The following STK3 variants were observed in gnomAD, a reference collection of about 807,000 sequenced individuals.
STK3 encodes the protein serine/threonine kinase 3.
STK3 carries 41 observed loss-of-function variants against 58.0 expected under a neutral mutation model. The ratio of observed to expected loss-of-function variants is 0.71; its 90% CI spans 0.55 to 0.92. STK3 has a LOEUF of 0.92. Among genes scored for constraint, STK3 ranks in the 40% least tolerant of loss-of-function variants. The pLI, the probability that STK3 is intolerant of heterozygous loss-of-function variation, is 0.00. For missense variants in STK3, 479 were observed against 602.7 expected (o/e 0.79, Z 2.15); for synonymous variants, 170 against 191.0 (o/e 0.89, Z 0.91).
chr8:98,449,929 AGTAT>A (rs1819125466), downstream of STK3, among the ~76,000 whole-genome samples: 1 of 152,186 alleles, frequency 6.6e-6, no homozygotes, highest in Non-Finnish European at 1.5e-5. Flanking sequence ...ACTGTGACAC[AGTAT>A]GAGGCTCTCA....
intron 1 of STK3, among the ~76,000 whole-genome samples, chr8:98,923,637 C>A (rs1839656981): frequency 6.6e-6 from 1 of 152,096 alleles, no homozygotes; most frequent in Non-Finnish European, 1.5e-5. Flanking sequence ...TAGAACAACC[C>A]AGAAGCCCAC....
intron 1 of STK3, among the ~76,000 whole-genome samples, chr8:98,934,480 G>C (rs1337825613): frequency 6.6e-6 from 1 of 152,144 alleles, no homozygotes; most frequent in Non-Finnish European, 1.5e-5. Flanking sequence ...AACAAAAAGG[G>C]GCAAGTAGTG....
chr8:98,578,585 G>A (rs1308316784), intron 8 of STK3, among the ~76,000 whole-genome samples: 1 of 152,098 alleles, frequency 6.6e-6, no homozygotes. Flanking sequence ...TTCCCAACTG[G>A]ATAACCAGTC....
At chr8:98,686,324 T>C (rs1350300459) in intron 6 of STK3, among the ~76,000 whole-genome samples, 1 of 152,206 alleles carries the variant, frequency 6.6e-6, no homozygotes, top group East Asian at 1.9e-4. Flanking sequence ...GAAGAGATAC[T>C]GTCCAACTGG....
intron 1 of STK3, among the ~76,000 whole-genome samples, chr8:98,810,904 C>A (rs1834179526): frequency 6.6e-6 from 1 of 152,072 alleles, no homozygotes; most frequent in Non-Finnish European, 1.5e-5. Flanking sequence ...CTGGCACCTC[C>A]TCTTCTCTCT....
At chr8:98,412,667 G>A (rs1355755999) in intron 3 of STK3, among the ~76,000 whole-genome samples, 1 of 152,180 alleles carries the variant, frequency 6.6e-6, no homozygotes, top group Non-Finnish European at 1.5e-5. Flanking sequence ...ATCAGGATTG[G>A]ATGTGCTAAT....
upstream of STK3, among the ~76,000 whole-genome samples, chr8:98,388,768 A>G (rs1403781748): frequency 6.6e-6 from 1 of 152,248 alleles, no homozygotes; most frequent in Non-Finnish European, 1.5e-5. Context: ...AAAAGACTAG[A>G]TAATTTGCTG....
the STK3 span, among the ~76,000 whole-genome samples, chr8:98,362,851 G>A: frequency 6.6e-6 from 1 of 152,140 alleles, no homozygotes; most frequent in African/African-American, 2.4e-5. Flanking sequence ...TCCCACAGCT[G>A]GGCACCTCAG....
chr8:98,740,095 G>A lies in STK3; in HGVS notation c.351+9181C>T, dbSNP rs183410264. On this transcript the variant is annotated intron_variant, in intron 4 of 10. Transcript: ENST00000419617. Reference sequence around the variant, plus strand: ...GCCTCCAAGAAATATGGGACTATGTGAAAAGACCAGATCTTCGTCTCACTG... The same window carrying A: ...GCCTCCAAGAAATATGGGACTATGTAAAAAGACCAGATCTTCGTCTCACTG... 8.6e-3 allele frequency among the ~76,000 whole-genome samples: 1,306 copies of A among 152,328 alleles called. 10 individuals carry two copies. Among genetic ancestry groups the A allele is most frequent in the African/African-American group, 0.03 (1,230 of 41,564 alleles).
chr8:98,456,095 A>C (rs1318893975), intron 10 of STK3, 95 bp from the exon 11 acceptor site: 1 of 1,228,792 alleles, frequency 8.1e-7, no homozygotes, highest in Non-Finnish European at 1.1e-6. Flanking sequence ...AATGAGTTTT[A>C]ACATAAATAT....
At chr8:98,351,152 T>C in the STK3 span, among the ~76,000 whole-genome samples, 3 of 152,256 alleles carry the variant, frequency 2.0e-5, no homozygotes, top group Admixed American at 6.5e-5. Flanking sequence ...TATCAACAAC[T>C]TAGGGAAACT....
intron 1 of STK3, among the ~76,000 whole-genome samples, chr8:98,817,453 C>CAAAAA (rs61671053): frequency 2.3e-5 from 3 of 128,942 alleles, no homozygotes; most frequent in Admixed American, 8.0e-5. Context: ...GACTCCATCT[C>CAAAAA]AAAAAAAAAA....
Position 98,715,035 on chromosome 8 carries a change from G to C in STK3, c.352-7724C>G, listed in dbSNP as rs367557937. On this transcript the variant is annotated intron_variant, in intron 4 of 10. Transcript: ENST00000419617. ...TGACAAAAACAACAAATGGGGAAAGGATTCCCTATTTAATAAATGGTGCTG... is the reference window on the plus strand; with the variant it reads ...TGACAAAAACAACAAATGGGGAAAGCATTCCCTATTTAATAAATGGTGCTG... Among the ~76,000 whole-genome samples the C allele has an allele frequency of 2.6e-5, 4 of 152,260 alleles. No individual in the cohort carries two copies. The East Asian group carries it at 5.8e-4, about 22-fold the overall frequency.
intron 3 of STK3, among the ~76,000 whole-genome samples, chr8:98,851,747 G>A (rs1836477089): frequency 6.6e-6 from 1 of 152,314 alleles, no homozygotes; most frequent in Admixed American, 6.5e-5. Context: ...AATCGCTTGA[G>A]GCCAGGAGTT....
At chr8:98,577,454 T>C (rs1400015235) in intron 8 of STK3, among the ~76,000 whole-genome samples, 1 of 151,960 alleles carries the variant, frequency 6.6e-6, no homozygotes, top group East Asian at 1.9e-4. Context: ...GCCACTGCAA[T>C]CCAGCCTGGG....
At chr8:98,633,239 C>T (rs1465016194) in intron 6 of STK3, among the ~76,000 whole-genome samples, 1 of 152,088 alleles carries the variant, frequency 6.6e-6, no homozygotes, top group Non-Finnish European at 1.5e-5. Flanking sequence ...CTAACACTAC[C>T]TACAAATGAT....
chr8:98,422,776 C>G (rs1745324306), intron 3 of STK3, among the ~76,000 whole-genome samples: 1 of 152,176 alleles, frequency 6.6e-6, no homozygotes, highest in Admixed American at 6.5e-5. Flanking sequence ...CCGCCGGGTG[C>G]AGACTCATGG....
intron 1 of STK3, among the ~76,000 whole-genome samples, chr8:98,386,936 G>C (rs1467576688): frequency 6.6e-6 from 1 of 152,076 alleles, no homozygotes; most frequent in Non-Finnish European, 1.5e-5. Flanking sequence ...GCAGCCTGGG[G>C]AACAGGGCGA....
intron 1 of STK3, among the ~76,000 whole-genome samples, chr8:98,941,866 G>A (rs1160014706): frequency 6.6e-6 from 1 of 152,266 alleles, no homozygotes; most frequent in Non-Finnish European, 1.5e-5. Context: ...GAGCCGCGAG[G>A]ACAGCAGATG....
Sources: allele counts gnomAD v4.1 joint callset (sites outside exome capture counted in the v4.1 genomes callset), GRCh38; gene constraint gnomAD v4.1.1; transcripts MANE v1.5; gene names NCBI Gene and HGNC (gene_info 2026-07-23, HGNC 2026-07-21).